BTF3: variants seen among roughly 807,000 people sequenced by gnomAD.
BTF3 encodes the protein basic transcription factor 3, also known as transcription factor BTF3.
BTF3 carries 12 observed loss-of-function variants against 23.9 expected under a neutral mutation model. That is an observed-to-expected ratio of 0.50 (90% confidence interval 0.32 to 0.81). The LOEUF (loss-of-function observed/expected upper bound fraction) is 0.81. Ranked by LOEUF, BTF3 falls within the 40% of genes least tolerant of loss-of-function variation. BTF3 has a pLI of 0.03. For missense variants in BTF3, 215 were observed against 255.9 expected, an observed-to-expected ratio of 0.84 and a Z score of 1.09; for synonymous variants, 96 against 94.8, an observed-to-expected ratio of 1.01 and a Z score of -0.07.
chr5:73,500,642 A>G (rs3797858), intron 2 of BTF3, among the ~76,000 whole-genome samples: 30,021 of 152,126 alleles, frequency 0.2, 5,283 homozygotes, highest in East Asian at 0.52. Context: ...AGGTGAGTTA[A>G]TTTTGCTTTA....
chr5:73,499,511 ACAT>A (rs1746382962), intron 2 of BTF3: 3 of 422,232 alleles, frequency 7.1e-6, no homozygotes, highest in Admixed American at 3.5e-5. Context: ...ATCGTTGTGC[ACAT>A]CATACCCTTG....
intron 3 of BTF3, 76 bp downstream of exon 3, chr5:73,502,677 G>T (rs1408357546): frequency 2.5e-6 from 2 of 805,638 alleles, no homozygotes; most frequent in Non-Finnish European, 1.9e-6. Context: ...TAAATGGGTT[G>T]TTTTTTTTTT....
chr5:73,499,301 C>G (rs1746376924), intron 2 of BTF3, 99 bp downstream of exon 2: 1 of 1,321,356 alleles, frequency 7.6e-7, no homozygotes, highest in Non-Finnish European at 1.1e-6. Flanking sequence ...CGGTGACAAA[C>G]TTTGCCTATC....
intron 3 of BTF3, 76 bp from the exon 4 acceptor site, chr5:73,502,840 G>C: frequency 1.4e-6 from 2 of 1,455,052 alleles, no homozygotes; most frequent in South Asian, 1.2e-5. Flanking sequence ...TAGTTAGCCA[G>C]ACTTAGTTTA....
In BTF3 at chr5:73,498,787, A is replaced by G. The variant is rs1465185202; in HGVS notation, c.120A>G (p.Gly40=). 1 of 1,508,984 alleles carries G rather than the reference A, an allele frequency of 6.6e-7. No homozygotes were observed. The highest frequency in any genetic ancestry group is 8.8e-7 in the Non-Finnish European group (1 of 1,137,692). 93.5% of individuals were successfully genotyped at this position (1,508,984 alleles called of 1,614,324 possible). A position where few individuals can be genotyped will look rare whatever the true frequency, so the allele number is the denominator to read the frequency against. ...CTCCACCTCGCGGCGGAACCCGAGG[A>G]CAGGAGCCTCAGGTACCGCGAGGCT... is the stretch of plus-strand genomic sequence containing the variant. ...SQPPPRGGTR[G]QEPQMKETIM... The change falls in exon 1 of 6, where the codon GGA becomes GGG. Residue 40 remains glycine (G), a synonymous_variant. Transcript: ENST00000380591.
In BTF3 at chr5:73,498,534, G is replaced by T. The variant is rs906076652; in HGVS notation, c.-134G>T. The stretch of plus-strand genomic sequence containing the variant: ...TTGAGCACCAACCCTAGTCCCCCGC[G>T]CGGCCCCTTATTCGCTCCGACAAGG... On this transcript the variant is annotated 5_prime_UTR_variant, in exon 1 of 6. Transcript: ENST00000380591. 33 of 1,310,608 alleles carry T rather than the reference G, an allele frequency of 2.5e-5. No individual in the cohort carries two copies. In the African/African-American group the frequency reaches 5.0e-4, roughly 20 times the overall value. 81.2% of individuals were successfully genotyped at this position (1,310,608 alleles called of 1,614,324 possible).
chr5:73,498,608 C>G lies in BTF3; in HGVS notation c.-60C>G. 2.1e-6 allele frequency: 3 copies of G among 1,408,002 alleles called. No homozygotes were observed. The highest frequency in any genetic ancestry group is 2.8e-6 in the Non-Finnish European group (3 of 1,088,162). The allele number at this position is 1,408,002 out of a possible 1,614,324, so 87.2% of individuals were successfully genotyped here. Reference sequence around the variant, plus strand: ...CGTGGTAGGAGGACGGGAGCGGGGGCGGGAAGTTCCCTGAAGGAGCGAGAC... The same window carrying G: ...CGTGGTAGGAGGACGGGAGCGGGGGGGGGAAGTTCCCTGAAGGAGCGAGAC... On this transcript the variant is annotated 5_prime_UTR_variant, in exon 1 of 6. Coordinates refer to ENST00000380591, the MANE Select transcript of BTF3 (RefSeq NM_001037637.2).
chr5:73,503,340 T>TA (rs1240593580), intron 4 of BTF3, among the ~76,000 whole-genome samples: 7 of 152,218 alleles, frequency 4.6e-5, no homozygotes, highest in Non-Finnish European at 1.0e-4. Flanking sequence ...GTTTTCTACT[T>TA]ACTTGATTTG....
chr5:73,498,539 C>T lies in BTF3; in HGVS notation c.-129C>T. ...CACCAACCCTAGTCCCCCGCGCGGC[C>T]CCTTATTCGCTCCGACAAGGTACAA... On this transcript the variant is annotated 5_prime_UTR_variant, in exon 1 of 6. Coordinates refer to ENST00000380591, the MANE Select transcript of BTF3 (RefSeq NM_001037637.2). 1 of 1,346,862 alleles carries T rather than the reference C, an allele frequency of 7.4e-7. No homozygotes were observed. Among genetic ancestry groups the T allele is most frequent in the East Asian group, 3.0e-5 (1 of 32,866 alleles). The allele number at this position is 1,346,862 out of a possible 1,614,324, so 83.4% of individuals were successfully genotyped here.
At chr5:73,503,430 GAAAA>G (rs1217680301) in intron 4 of BTF3, among the ~76,000 whole-genome samples, 1 of 150,738 alleles carries the variant, frequency 6.6e-6, no homozygotes, top group African/African-American at 2.4e-5. Flanking sequence ...GTTTGGAATT[GAAAA>G]AAAAATTAGT....
chr5:73,499,550 A>G, intron 2 of BTF3: 2 of 375,886 alleles, frequency 5.3e-6, no homozygotes, highest in Non-Finnish European at 1.0e-5. Flanking sequence ...AGTTTTCTAA[A>G]GTCAGTGCTT....
intron 4 of BTF3, 80 bp from the exon 5 acceptor site, chr5:73,504,267 C>CTTTTTTTTTTTTTTTTTTTTTTTTTTT (rs34051700): frequency 8.4e-6 from 1 of 118,606 alleles, no homozygotes; most frequent in Non-Finnish European, 1.6e-5. Flanking sequence ...TTCATCTGTT[C>CTTTTTTTTTTTTTTTTTTTTTTTTTTT]TTTTTTTTTT....
At position 73,499,561 on chromosome 5, in the gene BTF3, G is replaced by T. The variant is rs149856851; in HGVS notation, c.201+359G>T. ...CCTGAGTTTTCTAAAGTCAGTGCTT[G>T]TTTGTCTCTCTTGTAAATTGAGACC... On this transcript the variant is annotated intron_variant, in intron 2 of 5. Coordinates refer to ENST00000380591, the MANE Select transcript of BTF3 (RefSeq NM_001037637.2). 43 of 367,354 alleles carry T rather than the reference G, an allele frequency of 1.2e-4. No homozygotes were observed. In the East Asian group the frequency reaches 2.7e-3, roughly 23 times the overall value. The allele number at this position is 367,354 out of a possible 1,614,324, so 22.8% of individuals were successfully genotyped here. A position where few individuals can be genotyped will look rare whatever the true frequency, so the allele number is the denominator to read the frequency against.
At position 73,499,119 on chromosome 5, in the gene BTF3, T is replaced by C; in HGVS notation, c.133-15T>C. 1 of 1,605,120 alleles carries C rather than the reference T, an allele frequency of 6.2e-7. No homozygotes were observed. The highest frequency in any genetic ancestry group is 2.0e-4 in the Middle Eastern group (1 of 5,036). On this transcript the variant is annotated splice_polypyrimidine_tract_variant and intron_variant, in intron 1 of 5. Coordinates refer to ENST00000380591, the MANE Select transcript of BTF3 (RefSeq NM_001037637.2). The stretch of plus-strand genomic sequence containing the variant: ...AGCTAAACCTATCCTTGCTGAGGAT[T>C]TCCTCTTTTTCTAGATGAAAGAAAC...
At position 73,499,219 on chromosome 5, in the gene BTF3, C is replaced by A; in HGVS notation, c.201+17C>A. ...GGTGGGAAAGTAAGTTTTAATAGTT[C>A]GGGTTTGTGGGTTTTTTTTTTAAGG... On this transcript the variant is annotated intron_variant, in intron 2 of 5. Coordinates refer to ENST00000380591, the MANE Select transcript of BTF3 (RefSeq NM_001037637.2). The A allele has an allele frequency of 2.5e-6, 4 of 1,604,088 alleles. No homozygotes were observed. The highest frequency in any genetic ancestry group is 2.2e-5 in the South Asian group (2 of 90,914).
intron 5 of BTF3, chr5:73,504,614 G>A: frequency 2.4e-6 from 1 of 412,136 alleles, no homozygotes; most frequent in Non-Finnish European, 4.3e-6. Context: ...CCAAGGATGT[G>A]TAGGTATCTA....
intron 4 of BTF3, among the ~76,000 whole-genome samples, chr5:73,503,651 C>T (rs1275381401): frequency 6.6e-6 from 1 of 152,182 alleles, no homozygotes; most frequent in African/African-American, 2.4e-5. Flanking sequence ...AATAGGAATG[C>T]AGGAGGAAGT....
At chr5:73,504,752 C>A in intron 5 of BTF3, 1 of 211,408 alleles carries the variant, frequency 4.7e-6, no homozygotes, top group Non-Finnish European at 9.2e-6. Context: ...TGGAGTTGTT[C>A]AGGTATCTTG....
Position 73,499,048 on chromosome 5 carries a change from T to C in BTF3, c.133-86T>C, listed in dbSNP as rs1746368506. On this transcript the variant is annotated intron_variant, in intron 1 of 5. Coordinates refer to ENST00000380591, the MANE Select transcript of BTF3 (RefSeq NM_001037637.2). ...TTTCGGCCTGTGTAGGACGTTTATTTTCCTGCTGGTATCTTGGGAAATAAC... is the reference window on the plus strand; with the variant it reads ...TTTCGGCCTGTGTAGGACGTTTATTCTCCTGCTGGTATCTTGGGAAATAAC... 9.9e-6 allele frequency: 14 copies of C among 1,420,620 alleles called. No homozygotes were observed. The South Asian group carries it at 1.5e-4, about 15-fold the overall frequency. 88.0% of individuals were successfully genotyped at this position (1,420,620 alleles called of 1,614,324 possible). A position where few individuals can be genotyped will look rare whatever the true frequency, so the allele number is the denominator to read the frequency against.
Sources: gnomAD v4.1 joint callset for allele counts (sites outside exome capture counted in the v4.1 genomes callset) on GRCh38, gnomAD v4.1.1 for gene constraint, MANE v1.5 for transcripts, NCBI Gene and HGNC (gene_info 2026-07-23, HGNC 2026-07-21) for gene names.